TYRO3: variants seen among roughly 807,000 people sequenced by gnomAD.
TYRO3 encodes tyrosine-protein kinase receptor TYRO3.
In TYRO3, 38 loss-of-function variants were observed where a neutral mutation model predicts 95.2. That is an observed-to-expected ratio of 0.40 (90% CI 0.31 to 0.52). TYRO3 has a LOEUF of 0.52. TYRO3 is among the 20% of genes least tolerant of loss of function. The probability of loss-of-function intolerance (pLI) is 0.56; values close to 1 mark genes in which losing one functional copy is unlikely to be tolerated. For synonymous variants in TYRO3, 367 were observed against 432.9 expected (o/e 0.85, Z 1.89); for missense variants, 812 against 1,116.4 (o/e 0.73, Z 3.89).
At chr15:41,560,388 CGT>C (rs1177291795) in intron 1 of TYRO3, among the ~76,000 whole-genome samples, 1 of 72,054 alleles carries the variant, frequency 1.4e-5, no homozygotes, top group Admixed American at 1.5e-4. Flanking sequence ...AGGAGAGGTG[CGT>C]GTATGTGTGT....
intron 15 of TYRO3, among the ~76,000 whole-genome samples, 157 bp downstream of exon 15, chr15:41,572,721 G>A (rs2055813090): frequency 6.6e-6 from 1 of 152,182 alleles, no homozygotes; most frequent in African/African-American, 2.4e-5. Context: ...TAATCTAGCA[G>A]GCTTTCTTTT....
At chr15:41,569,460 CTG>C (rs1281203175) in intron 9 of TYRO3, among the ~76,000 whole-genome samples, 5 of 151,872 alleles carry the variant, frequency 3.3e-5, no homozygotes, top group African/African-American at 1.2e-4. Context: ...CAGAGTGAGT[CTG>C]TTGTCTCTAA....
chr15:41,570,722 G>A (rs2055785373), intron 12 of TYRO3, 23 bp downstream of exon 12: 1 of 1,609,130 alleles, frequency 6.2e-7, no homozygotes, highest in Admixed American at 1.7e-5. Context: ...GTGTGGGGAT[G>A]GGCATGGCTG....
intron 14 of TYRO3, 36 bp from the exon 15 acceptor site, chr15:41,572,407 C>A: frequency 6.8e-7 from 1 of 1,474,308 alleles, no homozygotes; most frequent in Non-Finnish European, 9.2e-7. Flanking sequence ...CCCCTTGACC[C>A]TTCTATGCTC....
At position 41,581,684 on chromosome 15, in the gene TYRO3, C is replaced by T. The variant is rs1225190438; in HGVS notation, c.*3408C>T. The stretch of plus-strand genomic sequence containing the variant: ...TCTACTAAAAAATACAAAAACTAGC[C>T]AGGAGTGGTGGCAGGCACCTGTAAT... On this transcript the variant is annotated 3_prime_UTR_variant, in exon 19 of 19. Coordinates refer to ENST00000263798, the MANE Select transcript of TYRO3 (RefSeq NM_006293.4). 6.6e-6 allele frequency: 1 copy of T among 151,912 alleles called. No individual in the cohort carries two copies. The highest frequency in any genetic ancestry group is 2.4e-5 in the African/African-American group (1 of 41,292). The allele number at this position is 151,912 out of a possible 1,614,324, so 9.4% of individuals were successfully genotyped here.
chr15:41,562,504 C>G (rs2055669666), intron 3 of TYRO3, 44 bp from the exon 4 acceptor site: 1 of 1,496,050 alleles, frequency 6.7e-7, no homozygotes. Flanking sequence ...CAGTAGGAAG[C>G]CAAGAGGTGG....
Position 41,561,156 on chromosome 15 carries a change from C to G in TYRO3, c.154C>G (p.Leu52Val), listed in dbSNP as rs773332673. 1.4e-5 allele frequency: 22 copies of G among 1,614,098 alleles called. No individual in the cohort carries two copies. The highest frequency in any genetic ancestry group is 2.5e-6 in the Non-Finnish European group (3 of 1,180,036). Residue 52 changes from leucine (L) to valine (V), a missense_variant, in exon 2 of 19, where the codon CTG (leucine) becomes GTG (valine). Leu to Val is a conservative substitution (Grantham distance 32). Transcript: ENST00000263798. ...GLKLMGAPVKLTVSQGQPVKL... is the reference protein window; with the variant it reads ...GLKLMGAPVKVTVSQGQPVKL... ...GAAGCTCATGGGAGCCCCGGTGAAG[C>G]TGACAGTGTCTCAGGGGCAGCCGGT...
chr15:41,573,583 C>G, intron 17 of TYRO3, 96 bp from the exon 18 acceptor site: 1 of 1,447,904 alleles, frequency 6.9e-7, no homozygotes, highest in Non-Finnish European at 9.4e-7. Flanking sequence ...TGATGAGGCC[C>G]TGAGCCCCAG....
At chr15:41,563,725 G>A (rs747302845) in intron 4 of TYRO3, among the ~76,000 whole-genome samples, 14 of 152,216 alleles carry the variant, frequency 9.2e-5, no homozygotes, top group Non-Finnish European at 2.1e-4. Flanking sequence ...TAACTGGGGA[G>A]ACAAGACATG....
intron 1 of TYRO3, among the ~76,000 whole-genome samples, chr15:41,560,428 T>TGTGCGCGCGCGC (rs1408766845): frequency 7.4e-6 from 1 of 135,256 alleles, no homozygotes; most frequent in Non-Finnish European, 1.6e-5. Context: ...TGTGTGTGTG[T>TGTGCGCGCGCGC]GCGCGCGCGC....
At chr15:41,577,854 C>T in intron 18 of TYRO3, 32 bp from the exon 19 acceptor site, 1 of 1,589,446 alleles carries the variant, frequency 6.3e-7, no homozygotes, top group Non-Finnish European at 8.6e-7. Context: ...GGGAAGGGCT[C>T]CTGCCTTTTC....
intron 8 of TYRO3, among the ~76,000 whole-genome samples, chr15:41,568,610 G>T (rs915771627): frequency 6.6e-6 from 1 of 152,058 alleles, no homozygotes; most frequent in Non-Finnish European, 1.5e-5. Context: ...GCTGGGGGAG[G>T]GCACAGATAA....
rs1279303751 is a variant in TYRO3, at chr15:41,581,278, A to G, written c.*3002A>G. The G allele has an allele frequency of 6.5e-6, 1 of 153,684 alleles. No homozygotes were observed. The highest frequency in any genetic ancestry group is 1.5e-5 in the Non-Finnish European group (1 of 68,062). The allele number at this position is 153,684 out of a possible 1,614,324, so 9.5% of individuals were successfully genotyped here. A position where few individuals can be genotyped will look rare whatever the true frequency, so the allele number is the denominator to read the frequency against. ...AGGAACCACACATGTGCTAGTGAGG[A>G]GTGTGGGGAGACTGGGAGGGCCCAC... On this transcript the variant is annotated 3_prime_UTR_variant, in exon 19 of 19. Coordinates refer to ENST00000263798, the MANE Select transcript of TYRO3 (RefSeq NM_006293.4).
At position 41,578,345 on chromosome 15, in the gene TYRO3, C is replaced by T. The variant is rs187379471; in HGVS notation, c.*69C>T. The T allele has an allele frequency of 5.9e-5, 93 of 1,580,066 alleles. No individual in the cohort carries two copies. Among genetic ancestry groups the T allele is most frequent in the Admixed American group, 5.0e-4 (29 of 57,900 alleles). On this transcript the variant is annotated 3_prime_UTR_variant, in exon 19 of 19. Coordinates refer to ENST00000263798, the MANE Select transcript of TYRO3 (RefSeq NM_006293.4). The stretch of plus-strand genomic sequence containing the variant: ...GCCACTGAGCTGGCTGACTAAGCCC[C>T]GTCTGACCCCAGCCCAGACAGCAAG...
At chr15:41,562,421 G>A in intron 3 of TYRO3, 127 bp from the exon 4 acceptor site, 1 of 887,094 alleles carries the variant, frequency 1.1e-6, no homozygotes. Flanking sequence ...TTCTGCTGTT[G>A]ACCTAATCAT....
intron 4 of TYRO3, 83 bp from the exon 5 acceptor site, chr15:41,564,101 C>T: frequency 7.7e-7 from 1 of 1,301,582 alleles, no homozygotes. Context: ...ATGTTCAGAC[C>T]AGAGCCTGAG....
In TYRO3 at chr15:41,566,820, T is replaced by G. The variant is rs193071780; in HGVS notation, c.784-540T>G. On this transcript the variant is annotated intron_variant, in intron 6 of 18. Transcript: ENST00000263798. ...TTGGTCAAAATATTAAGAGAGAAAC[T>G]ATTTAATAGTTTGTTAGCTGATTTA... Among the ~76,000 whole-genome samples the G allele has an allele frequency of 7.2e-5, 11 of 152,358 alleles. No homozygotes were observed. The East Asian group carries it at 2.1e-3, about 29-fold the overall frequency.
intron 6 of TYRO3, among the ~76,000 whole-genome samples, chr15:41,566,320 TAAAAAAAAAAAAAA>T (rs57924730): frequency 0.048 from 1,968 of 40,988 alleles, 38 homozygotes; most frequent in Admixed American, 0.061. Flanking sequence ...CTGTCTCTAT[TAAAAAAAAAAAAAA>T]AAAAAAAAAA....
At chr15:41,576,379 GACGGGGTTT>G (rs2055860783) in intron 18 of TYRO3, among the ~76,000 whole-genome samples, 1 of 151,768 alleles carries the variant, frequency 6.6e-6, no homozygotes, top group Non-Finnish European at 1.5e-5. Context: ...TTTTAGTAGA[GACGGGGTTT>G]CTCCATGTTG....
Sources: allele counts gnomAD v4.1 joint callset (sites outside exome capture counted in the v4.1 genomes callset), GRCh38; gene constraint gnomAD v4.1.1; transcripts MANE v1.5; gene names NCBI Gene and HGNC (gene_info 2026-07-23, HGNC 2026-07-21).